Variants in SARS2 observed in about 807,000 individuals in gnomAD.
SARS2 encodes the protein seryl-tRNA synthetase 2, mitochondrial.
Under a neutral mutation model 66.8 loss-of-function variants are expected in SARS2, and 52 were observed. The observed-to-expected ratio is 0.78, with a 90% CI of 0.62 to 0.98. SARS2 has a LOEUF of 0.98. Ranked by LOEUF, SARS2 falls within the 50% of genes least tolerant of loss-of-function variation. The probability of loss-of-function intolerance (pLI) is 0.00; values close to 1 mark genes in which losing one functional copy is unlikely to be tolerated. For missense variants in SARS2, 673 were observed against 706.3 expected, an observed-to-expected ratio of 0.95 and a Z score of 0.53; for synonymous variants, 306 against 281.4, an observed-to-expected ratio of 1.09 and a Z score of -0.87.
At position 38,915,593 on chromosome 19, in the gene SARS2, T is replaced by C. The variant is rs758051049; in HGVS notation, c.*13A>G. 6.2e-7 allele frequency: 1 copy of C among 1,611,102 alleles called. No individual in the cohort carries two copies. The highest frequency in any genetic ancestry group is 8.5e-7 in the Non-Finnish European group (1 of 1,179,756). ...AAGCAGTGACACCCCCGAGGGCTGC[T>C]GTGGGTGGGTTCTTAGCTTACAGCA... On this transcript the variant is annotated 3_prime_UTR_variant, in exon 16 of 16. Coordinates refer to ENST00000221431, the MANE Select transcript of SARS2 (RefSeq NM_017827.4).
intron 3 of SARS2, 54 bp downstream of exon 3, chr19:38,922,184 G>A: frequency 1.9e-6 from 3 of 1,605,082 alleles, no homozygotes; most frequent in Non-Finnish European, 2.6e-6. Context: ...GACTGGCAGG[G>A]TATCCTCCCT....
chr19:38,915,675 C>G lies in SARS2; in HGVS notation c.1488G>C (p.Val496=), dbSNP rs763679893. The change falls in exon 16 of 16, where the codon GTG becomes GTC. Residue 496 remains valine (V), a synonymous_variant. Coordinates refer to ENST00000221431, the MANE Select transcript of SARS2 (RefSeq NM_017827.4). ...GGTTGGGGCCGATGTACTGGAGAGGCACGTGGGTAGGGGCTGTGATCCGAT... is the reference window on the plus strand; with the variant it reads ...GGTTGGGGCCGATGTACTGGAGAGGGACGTGGGTAGGGGCTGTGATCCGAT... ...GTDRITAPTH[V]PLQYIGPNQP... The G allele has an allele frequency of 6.2e-7, 1 of 1,613,118 alleles. No homozygotes were observed. Among genetic ancestry groups the G allele is most frequent in the East Asian group, 2.2e-5 (1 of 44,846 alleles).
At chr19:38,917,887 C>G in intron 11 of SARS2, 34 bp downstream of exon 11, 3 of 1,613,184 alleles carry the variant, frequency 1.9e-6, no homozygotes, top group Non-Finnish European at 2.5e-6. Context: ...GGTGGCCCCC[C>G]ACCCCAGCCC....
At chr19:38,922,078 C>T (rs1380796935) in intron 3 of SARS2, 160 bp downstream of exon 3, 20 of 1,587,610 alleles carry the variant, frequency 1.3e-5, no homozygotes, top group Non-Finnish European at 1.5e-5. Context: ...TCCAGCCGCA[C>T]CTGAAGCCAG....
rs1416274956 is a variant in SARS2 at position 38,930,559 on chromosome 19, T to C, written c.178A>G (p.Ile60Val). The change falls in exon 1 of 16, where the codon ATA becomes GTA. Residue 60 changes from isoleucine (I) to valine (V), a missense_variant. By Grantham distance (29) the Ile-to-Val change is conservative (BLOSUM62 3). Transcript: ENST00000221431. ...TCTGGGCATGCGCAGAACCGCTCTA[T>C]GTCCAGCTGAGGGAGTGCGCTGTAG... ...EGYSALPQLD[I>V]ERFCACPEEA... 2.5e-6 allele frequency: 4 copies of C among 1,613,886 alleles called. No individual in the cohort carries two copies. The highest frequency in any genetic ancestry group is 3.4e-6 in the Non-Finnish European group (4 of 1,180,000).
At position 38,929,278 on chromosome 19, in the gene SARS2, G is replaced by C. The variant is rs562918363; in HGVS notation, c.267+1192C>G. On this transcript the variant is annotated intron_variant, in intron 1 of 15. Coordinates refer to ENST00000221431, the MANE Select transcript of SARS2 (RefSeq NM_017827.4). ...AGGGTACTTAAGATTGTGGAGTCTG[G>C]GTGTGGTGGCTCATGCCTGTAATCT... is the stretch of plus-strand genomic sequence containing the variant. Among the ~76,000 whole-genome samples, 170 of 150,862 alleles carry C rather than the reference G, an allele frequency of 1.1e-3. 1 individual carries two copies. Among genetic ancestry groups the C allele is most frequent in the Admixed American group, 4.3e-3 (66 of 15,228 alleles).
intron 5 of SARS2, among the ~76,000 whole-genome samples, chr19:38,920,910 TACAC>T (rs1012597533): frequency 7.6e-6 from 1 of 130,910 alleles, no homozygotes; most frequent in African/African-American, 2.9e-5. Flanking sequence ...AACACAGATA[TACAC>T]ACACAGAGAT....
intron 12 of SARS2, 28 bp downstream of exon 12, chr19:38,917,687 CCCCTGCCAT>C: frequency 9.7e-7 from 1 of 1,028,402 alleles, no homozygotes; most frequent in Non-Finnish European, 1.5e-6. Flanking sequence ...CCCTACCCCA[CCCCTGCCAT>C]CCCTGGATCC....
intron 2 of SARS2, among the ~76,000 whole-genome samples, chr19:38,923,285 G>T (rs1304559228): frequency 7.1e-6 from 1 of 140,314 alleles, no homozygotes; most frequent in Non-Finnish European, 1.5e-5. Flanking sequence ...GCAGTGGGGG[G>T]ATCTCGGCTC....
At chr19:38,926,712 G>A (rs1263143911) in intron 1 of SARS2, among the ~76,000 whole-genome samples, 1 of 152,138 alleles carries the variant, frequency 6.6e-6, no homozygotes, top group Non-Finnish European at 1.5e-5. Flanking sequence ...CTTGAAACCA[G>A]GAAGCGGAGG....
intron 6 of SARS2, 48 bp downstream of exon 6, chr19:38,920,038 G>A (rs1247404630): frequency 1.3e-6 from 2 of 1,488,888 alleles, no homozygotes; most frequent in Non-Finnish European, 9.2e-7. Flanking sequence ...AGCTGTCGGG[G>A]TGCAGGCAGC....
intron 2 of SARS2, among the ~76,000 whole-genome samples, chr19:38,924,664 G>A (rs1391604653): frequency 2.0e-5 from 3 of 152,240 alleles, no homozygotes; most frequent in Admixed American, 6.5e-5. Flanking sequence ...TTTTCTCGGA[G>A]ACAGGGTCTC....
chr19:38,921,010 CACACAGATACACAGAT>C (rs71165594), intron 5 of SARS2, among the ~76,000 whole-genome samples: 5 of 146,872 alleles, frequency 3.4e-5, no homozygotes, highest in Admixed American at 6.7e-5. Flanking sequence ...GATACAGACA[CACACAGATACACAGAT>C]ACAGACACAC....
chr19:38,921,649 G>A lies in SARS2; in HGVS notation c.412C>T (p.Leu138=). The A allele has an allele frequency of 1.2e-6, 2 of 1,614,222 alleles. No homozygotes were observed. The highest frequency in any genetic ancestry group is 1.7e-6 in the Non-Finnish European group (2 of 1,180,024). Residue 138 remains leucine (L), a synonymous_variant, in exon 4 of 16, where the codon CTG becomes TTG. Coordinates refer to ENST00000221431, the MANE Select transcript of SARS2 (RefSeq NM_017827.4). The part of the protein sequence containing the change: ...EVQQDPKYQG[L]RARGREIRKE... ...CGGATCTCCCGGCCACGTGCCCGCA[G>A]ACCCTGGTACTTGGGGTCCTGGGGG... is the stretch of plus-strand genomic sequence containing the variant.
chr19:38,926,786 C>G (rs1836119534), intron 1 of SARS2, among the ~76,000 whole-genome samples: 1 of 151,608 alleles, frequency 6.6e-6, no homozygotes, highest in Non-Finnish European at 1.5e-5. Flanking sequence ...GAAACTCTGT[C>G]TCAAACAAAA....
chr19:38,930,399 G>A, intron 1 of SARS2, 71 bp downstream of exon 1: 9 of 1,515,876 alleles, frequency 5.9e-6, no homozygotes, highest in East Asian at 2.3e-5. Flanking sequence ...CCCTGCCGGA[G>A]GGCATCTTGC....
At position 38,918,778 on chromosome 19, in the gene SARS2, G is replaced by A. The variant is rs372151812; in HGVS notation, c.795C>T (p.Arg265=). Residue 265 remains arginine (R), a synonymous_variant, in exon 8 of 16, where the codon CGC becomes CGT. Coordinates refer to ENST00000221431, the MANE Select transcript of SARS2 (RefSeq NM_017827.4). ...FTPMTVPDLL[R]GAVFEGCGMT... is the part of the protein sequence containing the mutation. ...AGGCCTCACTCACAAACACTGCTCCGCGGAGAAGGTCTGGCACCGTCATGG... is the reference window on the plus strand; with the variant it reads ...AGGCCTCACTCACAAACACTGCTCCACGGAGAAGGTCTGGCACCGTCATGG... The A allele has an allele frequency of 5.4e-5, 85 of 1,561,348 alleles. No individual in the cohort carries two copies. Among genetic ancestry groups the A allele is most frequent in the African/African-American group, 1.5e-4 (11 of 74,080 alleles).
intron 1 of SARS2, among the ~76,000 whole-genome samples, chr19:38,926,792 C>CA (rs928291033): frequency 2.0e-5 from 3 of 151,110 alleles, no homozygotes; most frequent in African/African-American, 7.3e-5. Context: ...CTGTCTCAAA[C>CA]AAAAAAAGTC....
In SARS2 at chr19:38,918,116, C is replaced by A; in HGVS notation, c.940G>T (p.Ala314Ser). The change falls in exon 10 of 16, where the codon GCC becomes TCC. Residue 314 changes from alanine (A) to serine (S), a missense_variant. By Grantham distance (99) the Ala-to-Ser change is moderately conservative (BLOSUM62 1). Transcript: ENST00000221431. ...LAGYFMDHTV[A>S]FRDLPVRMVC... is the part of the protein sequence containing the mutation. ...CACCTGACTGGCAGGTCCCTGAAGG[C>A]CACGGTGTGGTCCATGAAGTAGCCT... The A allele has an allele frequency of 6.2e-7, 1 of 1,600,840 alleles. No homozygotes were observed. Among genetic ancestry groups the A allele is most frequent in the Non-Finnish European group, 8.5e-7 (1 of 1,174,168 alleles).
Sources: allele counts gnomAD v4.1 joint callset (sites outside exome capture counted in the v4.1 genomes callset), GRCh38; gene constraint gnomAD v4.1.1; transcripts MANE v1.5; gene names NCBI Gene and HGNC (gene_info 2026-07-23, HGNC 2026-07-21).